The following PRKG1 variants were observed in gnomAD, a reference collection of about 807,000 sequenced individuals.
PRKG1 encodes cGMP-dependent protein kinase 1.
A neutral mutation model predicts 88.1 loss-of-function variants in PRKG1; 35 were observed. The observed-to-expected ratio is 0.40, with a 90% confidence interval of 0.30 to 0.53. The LOEUF (loss-of-function observed/expected upper bound fraction) is 0.53. PRKG1 is among the 20% of genes least tolerant of loss of function. PRKG1 has a pLI of 0.59. For missense variants in PRKG1, 540 were observed against 839.8 expected (o/e 0.64, Z 4.41); for synonymous variants, 303 against 292.5 (o/e 1.04, Z -0.37).
intron 1 of PRKG1, among the ~76,000 whole-genome samples, chr10:51,124,926 T>C (rs1845359720): frequency 6.6e-6 from 1 of 152,362 alleles, no homozygotes; most frequent in African/African-American, 2.4e-5. Flanking sequence ...TGAGTTGACA[T>C]ATGACCTGCA....
rs186260330 is a variant in PRKG1 at position 52,246,387 on chromosome 10, G to A, written c.1077-5183G>A. The stretch of plus-strand genomic sequence containing the variant: ...AGAGAGATGGGGAAGGGGAGGAAGA[G>A]ACTGAGATTATTCTATTATTGTTTT... On this transcript the variant is annotated intron_variant, in intron 9 of 17. Coordinates refer to ENST00000373980, the MANE Select transcript of PRKG1 (RefSeq NM_006258.4). Among the ~76,000 whole-genome samples, 3 of 151,956 alleles carry A rather than the reference G, an allele frequency of 2.0e-5. No individual in the cohort carries two copies. The East Asian group carries it at 5.8e-4, about 29-fold the overall frequency.
At chr10:51,812,117 T>C (rs1049427794) in intron 4 of PRKG1, among the ~76,000 whole-genome samples, 4 of 152,196 alleles carry the variant, frequency 2.6e-5, no homozygotes, top group Non-Finnish European at 5.9e-5. Flanking sequence ...CTCAAACACA[T>C]CTTTATTTAT....
At chr10:51,279,749 T>G (rs1053822261) in intron 2 of PRKG1, among the ~76,000 whole-genome samples, 1 of 152,176 alleles carries the variant, frequency 6.6e-6, no homozygotes, top group Non-Finnish European at 1.5e-5. Flanking sequence ...CATCCCTTTA[T>G]TTTGAGCCTA....
chr10:52,142,679 A>G (rs1471930608), intron 8 of PRKG1, among the ~76,000 whole-genome samples: 1 of 152,186 alleles, frequency 6.6e-6, no homozygotes, highest in African/African-American at 2.4e-5. Context: ...TGGAATTAGA[A>G]TTTAAATGAC....
chr10:51,277,441 G>A (rs1840154989), intron 2 of PRKG1, among the ~76,000 whole-genome samples: 2 of 152,218 alleles, frequency 1.3e-5, no homozygotes, highest in South Asian at 4.1e-4. Flanking sequence ...TCTTGGCAAT[G>A]TGGGCTCTTT....
At chr10:51,338,790 A>G (rs1295467572) in intron 2 of PRKG1, among the ~76,000 whole-genome samples, 1 of 152,160 alleles carries the variant, frequency 6.6e-6, no homozygotes, top group Non-Finnish European at 1.5e-5. Context: ...CATAAATATT[A>G]CCTGAGGTTG....
At chr10:51,446,742 A>AT (rs1007041854) in intron 2 of PRKG1, among the ~76,000 whole-genome samples, 12 of 151,982 alleles carry the variant, frequency 7.9e-5, no homozygotes, top group African/African-American at 2.9e-4. Context: ...CACTTCCTCC[A>AT]TTTTGGCCTT....
intron 9 of PRKG1, among the ~76,000 whole-genome samples, chr10:52,213,341 G>A (rs1840030974): frequency 6.6e-6 from 1 of 152,102 alleles, no homozygotes; most frequent in Admixed American, 6.6e-5. Flanking sequence ...AATTTGTTAT[G>A]GGTTTATTTA....
At chr10:52,251,253 G>C (rs771323928) in intron 9 of PRKG1, among the ~76,000 whole-genome samples, 2 of 152,068 alleles carry the variant, frequency 1.3e-5, no homozygotes, top group Non-Finnish European at 2.9e-5. Context: ...CAAACAATCC[G>C]TGTTCACAAG....
rs374166820 is a variant in PRKG1, at chr10:51,804,694, G to T, written c.698+4G>T. On this transcript the variant is annotated splice_donor_region_variant and intron_variant, in intron 4 of 17. Coordinates refer to ENST00000373980, the MANE Select transcript of PRKG1 (RefSeq NM_006258.4). ...AGTATATGGAATTTTTAAAAAGGTAGGATGCTTTCTTTTCTCTTGTGAGAG... is the reference window on the plus strand; with the variant it reads ...AGTATATGGAATTTTTAAAAAGGTATGATGCTTTCTTTTCTCTTGTGAGAG... 2 of 1,529,686 alleles carry T rather than the reference G, an allele frequency of 1.3e-6. No homozygotes were observed. The highest frequency in any genetic ancestry group is 1.8e-6 in the Non-Finnish European group (2 of 1,104,756). The allele number at this position is 1,529,686 out of a possible 1,614,324, so 94.8% of individuals were successfully genotyped here. A position where few individuals can be genotyped will look rare whatever the true frequency, so the allele number is the denominator to read the frequency against.
At chr10:52,051,773 C>T (rs952712534) in intron 5 of PRKG1, among the ~76,000 whole-genome samples, 1 of 152,160 alleles carries the variant, frequency 6.6e-6, no homozygotes, top group East Asian at 1.9e-4. Flanking sequence ...GCAATGCCAG[C>T]CCTCTGTGGG....
At position 51,370,302 on chromosome 10, in the gene PRKG1, G is replaced by A. The variant is rs527639462; in HGVS notation, c.479-97421G>A. Among the ~76,000 whole-genome samples, 196 of 152,162 alleles carry A rather than the reference G, an allele frequency of 1.3e-3. 1 individual carries two copies. Among genetic ancestry groups the A allele is most frequent in the African/African-American group, 4.6e-3 (192 of 41,516 alleles). On this transcript the variant is annotated intron_variant, in intron 2 of 17. Transcript: ENST00000373980. ...TCTTTAAGATGTAAACGCTCCCTGG[G>A]TGCTAAATGGATCCATCCTTATTTC...
At position 51,946,019 on chromosome 10, in the gene PRKG1, G is replaced by A. The variant is rs1245378175; in HGVS notation, c.762+38449G>A. Among the ~76,000 whole-genome samples, 2 of 151,738 alleles carry A rather than the reference G, an allele frequency of 1.3e-5. 1 individual carries two copies. The highest frequency in any genetic ancestry group is 4.9e-5 in the African/African-American group (2 of 41,138). ...TGTTGGCCTGCCTTGCTAGATTGGG[G>A]AAGTTCTCCTGGATAATATCCTGCA... is the stretch of plus-strand genomic sequence containing the variant. On this transcript the variant is annotated intron_variant, in intron 5 of 17. Transcript: ENST00000373980.
intron 7 of PRKG1, among the ~76,000 whole-genome samples, chr10:52,120,145 T>G (rs1351264516): frequency 1.3e-5 from 2 of 152,012 alleles, no homozygotes; most frequent in Non-Finnish European, 2.9e-5. Context: ...AATAGCAAAC[T>G]CACTCCCTCA....
intron 3 of PRKG1, among the ~76,000 whole-genome samples, chr10:51,714,671 A>T (rs570145972): frequency 3.4e-4 from 52 of 152,302 alleles, no homozygotes; most frequent in Admixed American, 7.8e-4. Context: ...CCCAATGGCC[A>T]TGACACTTTC....
intron 2 of PRKG1, among the ~76,000 whole-genome samples, chr10:51,301,390 AC>A (rs1216949500): frequency 6.6e-6 from 1 of 152,106 alleles, no homozygotes; most frequent in Non-Finnish European, 1.5e-5. Flanking sequence ...AAAGAAAGGT[AC>A]CTTCTTTTAG....
chr10:52,283,021 G>A (rs977675281), intron 14 of PRKG1, among the ~76,000 whole-genome samples: 3 of 152,026 alleles, frequency 2.0e-5, no homozygotes, highest in Non-Finnish European at 4.4e-5. Flanking sequence ...AATAGGCATG[G>A]CTTAAAGAGA....
chr10:51,164,723 G>T (rs1359420238), intron 2 of PRKG1, among the ~76,000 whole-genome samples: 2 of 152,088 alleles, frequency 1.3e-5, no homozygotes, highest in African/African-American at 4.8e-5. Flanking sequence ...GGAGCTGAAA[G>T]CCAAGGCTCG....
chr10:51,984,581 C>T (rs775048854), intron 5 of PRKG1, among the ~76,000 whole-genome samples: 4 of 152,022 alleles, frequency 2.6e-5, no homozygotes, highest in Non-Finnish European at 5.9e-5. Context: ...TTTTGTAATA[C>T]CTGTAGATGC....
Sources: gnomAD v4.1 joint callset for allele counts (sites outside exome capture counted in the v4.1 genomes callset) on GRCh38, gnomAD v4.1.1 for gene constraint, MANE v1.5 for transcripts, NCBI Gene and HGNC (gene_info 2026-07-23, HGNC 2026-07-21) for gene names.